CEP89: variants seen among roughly 807,000 people sequenced by gnomAD.
CEP89 encodes the protein centrosomal protein 89.
A neutral mutation model predicts 97.6 loss-of-function variants in CEP89; 95 were observed. The observed-to-expected ratio is 0.97, with a 90% CI of 0.82 to 1.15. CEP89 has a LOEUF of 1.15. CEP89 is among the 50% of genes most tolerant of loss of function. The pLI is 0.00. For missense variants in CEP89, 869 were observed against 947.7 expected (o/e 0.92, Z 1.09); for synonymous variants, 354 against 349.1 (o/e 1.01, Z -0.16).
At chr19:32,930,113 C>T (rs1970441361) in intron 9 of CEP89, among the ~76,000 whole-genome samples, 1 of 151,208 alleles carries the variant, frequency 6.6e-6, no homozygotes, top group South Asian at 2.1e-4. Flanking sequence ...GCAACCTCTG[C>T]CTCCCAGGTT....
intron 2 of CEP89, among the ~76,000 whole-genome samples, chr19:32,963,262 A>C (rs1971205998): frequency 6.6e-6 from 1 of 152,142 alleles, no homozygotes; most frequent in Non-Finnish European, 1.5e-5. Context: ...AGGCTGAAGC[A>C]TGAGAATCGC....
chr19:32,891,545 A>G (rs1484232353), intron 16 of CEP89, among the ~76,000 whole-genome samples: 1 of 152,232 alleles, frequency 6.6e-6, no homozygotes, highest in African/African-American at 2.4e-5. Context: ...GAAATGCCTG[A>G]AAAAGAATTA....
rs147974740 is a variant in CEP89, at chr19:32,899,876, C to T, written c.1856G>A (p.Arg619His). 146 of 1,613,850 alleles carry T rather than the reference C, an allele frequency of 9.0e-5. 1 individual carries two copies. Among genetic ancestry groups the T allele is most frequent in the Middle Eastern group, 3.3e-4 (2 of 6,058 alleles). ...VGLAENITQE[R>H]DSLMCLAKCL... ...ACTTACCAAACACATAAGACTGTCA[C>T]GTTCCTGGGTTATGTTTTCTGCCAG... Residue 619 changes from arginine to histidine, a missense_variant, in exon 16 of 19, where the codon CGT (arginine) becomes CAT (histidine). Coordinates refer to ENST00000305768, the MANE Select transcript of CEP89 (RefSeq NM_032816.5).
At chr19:32,879,519 C>T in intron 18 of CEP89, 141 bp from the exon 19 acceptor site, 1 of 684,734 alleles carries the variant, frequency 1.5e-6, no homozygotes, top group Non-Finnish European at 2.5e-6. Flanking sequence ...GAAGCAAGCG[C>T]TCAGTGTGGA....
At position 32,933,676 on chromosome 19, in the gene CEP89, G is replaced by A; in HGVS notation, c.668-7C>T. The A allele has an allele frequency of 1.3e-6, 2 of 1,542,056 alleles. No homozygotes were observed. Among genetic ancestry groups the A allele is most frequent in the Non-Finnish European group, 1.8e-6 (2 of 1,120,150 alleles). ...CGTGCTCTACCAGTTATATCTGAAA[G>A]GGTTCAGGGGAAAATTTTACAATGT... On this transcript the variant is annotated splice_polypyrimidine_tract_variant and splice_region_variant and intron_variant, in intron 7 of 18. Coordinates refer to ENST00000305768, the MANE Select transcript of CEP89 (RefSeq NM_032816.5).
chr19:32,923,358 G>T, intron 12 of CEP89, 81 bp downstream of exon 12: 1 of 679,646 alleles, frequency 1.5e-6, no homozygotes, highest in Non-Finnish European at 2.6e-6. Flanking sequence ...ATGTAATTAT[G>T]TATTTGATAA....
intron 14 of CEP89, among the ~76,000 whole-genome samples, chr19:32,905,707 C>T (rs1156593442): frequency 6.6e-6 from 1 of 152,134 alleles, no homozygotes; most frequent in African/African-American, 2.4e-5. Flanking sequence ...GAATCATCCT[C>T]TTTGCTTAGT....
chr19:32,882,594 C>G (rs1422695174), intron 17 of CEP89, among the ~76,000 whole-genome samples: 1 of 151,080 alleles, frequency 6.6e-6, no homozygotes, highest in African/African-American at 2.4e-5. Flanking sequence ...CATCACAGAA[C>G]AAACTGGATG....
At chr19:32,923,565 T>A (rs1231298310) in intron 11 of CEP89, 23 bp from the exon 12 acceptor site, 1 of 1,379,060 alleles carries the variant, frequency 7.3e-7, no homozygotes, top group Non-Finnish European at 1.0e-6. Context: ...GTACGTAAAT[T>A]ATAACACACA....
At chr19:32,883,084 A>G (rs112437816) in intron 17 of CEP89, among the ~76,000 whole-genome samples, 12,267 of 151,558 alleles carry the variant, frequency 0.081, 1,536 homozygotes, top group African/African-American at 0.27. Context: ...GGATGGTCTC[A>G]ATCTCCTGAC....
At chr19:32,921,719 C>A (rs926709637) in intron 12 of CEP89, among the ~76,000 whole-genome samples, 6 of 152,070 alleles carry the variant, frequency 3.9e-5, no homozygotes, top group Non-Finnish European at 8.8e-5. Context: ...GTCCACTGTT[C>A]AAGGAGGGTG....
In CEP89 at chr19:32,933,670, C is replaced by A; in HGVS notation, c.668-1G>T. 1 of 1,584,802 alleles carries A rather than the reference C, an allele frequency of 6.3e-7. No homozygotes were observed. The highest frequency in any genetic ancestry group is 8.7e-7 in the Non-Finnish European group (1 of 1,155,466). ...CTTTGACGTGCTCTACCAGTTATAT[C>A]TGAAAGGGTTCAGGGGAAAATTTTA... is the stretch of plus-strand genomic sequence containing the variant. On this transcript the variant is annotated splice_acceptor_variant, in intron 7 of 18. Transcript: ENST00000305768. LOFTEE classifies it high-confidence loss of function.
At chr19:32,963,868 A>T (rs1292712089) in intron 2 of CEP89, 1 of 151,524 alleles carries the variant, frequency 6.6e-6, no homozygotes, top group Non-Finnish European at 1.5e-5. Flanking sequence ...AAAACTAACC[A>T]CTGACTGTCC....
At chr19:32,938,281 GA>G (rs576669741) in intron 6 of CEP89, among the ~76,000 whole-genome samples, 137 of 152,226 alleles carry the variant, frequency 9.0e-4, no homozygotes, top group African/African-American at 3.1e-3. Context: ...GGCTCACGTT[GA>G]AAAGCATGTG....
At chr19:32,966,749 A>T (rs1261282619) in intron 1 of CEP89, among the ~76,000 whole-genome samples, 1 of 151,958 alleles carries the variant, frequency 6.6e-6, no homozygotes, top group Admixed American at 6.6e-5. Context: ...TAGCTCTTCC[A>T]TGTGTCCCAC....
intron 14 of CEP89, among the ~76,000 whole-genome samples, chr19:32,911,692 T>G (rs1190563091): frequency 6.6e-6 from 1 of 152,052 alleles, no homozygotes; most frequent in Non-Finnish European, 1.5e-5. Context: ...TTAGTCAGCA[T>G]GTAATAGCAG....
At chr19:32,897,019 A>T (rs1969657972) in intron 16 of CEP89, among the ~76,000 whole-genome samples, 1 of 152,210 alleles carries the variant, frequency 6.6e-6, no homozygotes, top group Non-Finnish European at 1.5e-5. Flanking sequence ...GACAAAAAAT[A>T]ACAGAGGCTG....
At chr19:32,947,879 C>T (rs148858155) in intron 5 of CEP89, among the ~76,000 whole-genome samples, 2 of 152,256 alleles carry the variant, frequency 1.3e-5, no homozygotes, top group Non-Finnish European at 2.9e-5. Context: ...TGGCTTGCTG[C>T]AGCCCTGACC....
At chr19:32,900,526 A>C (rs1969744133) in intron 15 of CEP89, among the ~76,000 whole-genome samples, 1 of 152,050 alleles carries the variant, frequency 6.6e-6, no homozygotes. Flanking sequence ...AGCCTTACAA[A>C]GTGCTGGGAT....
Sources: gnomAD v4.1 joint callset for allele counts (sites outside exome capture counted in the v4.1 genomes callset) on GRCh38, gnomAD v4.1.1 for gene constraint, MANE v1.5 for transcripts, NCBI Gene and HGNC (gene_info 2026-07-23, HGNC 2026-07-21) for gene names.